Variants in TAF6L observed in about 807,000 individuals in gnomAD.
The protein encoded by TAF6L is TATA-box binding protein associated factor 6 like.
TAF6L carries 34 observed loss-of-function variants against 57.3 expected under a neutral mutation model. The ratio of observed to expected loss-of-function variants is 0.59; its 90% CI spans 0.45 to 0.79. TAF6L has a LOEUF of 0.79. Ranked by LOEUF, TAF6L falls within the 30% of genes least tolerant of loss-of-function variation. The pLI is 0.00. For synonymous variants in TAF6L, 417 were observed against 376.3 expected, an observed-to-expected ratio of 1.11 and a Z score of -1.25; for missense variants, 782 against 853.2, an observed-to-expected ratio of 0.92 and a Z score of 1.04.
intron 1 of TAF6L, chr11:62,774,679 A>G: frequency 2.2e-6 from 1 of 454,918 alleles, no homozygotes; most frequent in Non-Finnish European, 4.4e-6. Context: ...TGAACAAAAC[A>G]GGTTCCAGCA....
Position 62,781,954 on chromosome 11 carries a change from T to G in TAF6L, c.592T>G (p.Tyr198Asp), listed in dbSNP as rs1383200958. 3.1e-6 allele frequency: 5 copies of G among 1,613,998 alleles called. No homozygotes were observed. The highest frequency in any genetic ancestry group is 1.7e-6 in the Non-Finnish European group (2 of 1,180,030). ...KIGALLPYFV[Y>D]VVSGVKSVSH... ...TGGGGCACTCCTGCCTTACTTTGTT[T>G]ATGTGGTCAGTGGGGTAAGTGACCA... Residue 198 changes from tyrosine to aspartate, a missense_variant, in exon 7 of 11, where the codon TAT (tyrosine) becomes GAT (aspartate). Transcript: ENST00000294168.
At chr11:62,775,240 A>AT (rs1156921871) in intron 1 of TAF6L, among the ~76,000 whole-genome samples, 4 of 152,186 alleles carry the variant, frequency 2.6e-5, no homozygotes, top group African/African-American at 9.6e-5. Flanking sequence ...AAAGCTCTTT[A>AT]TAAAACCATT....
chr11:62,782,962 C>G, intron 9 of TAF6L, 137 bp downstream of exon 9: 2 of 1,293,524 alleles, frequency 1.5e-6, no homozygotes, highest in Non-Finnish European at 2.1e-6. Flanking sequence ...AGGCCAGGCT[C>G]AGTGATACTT....
rs374487931 is a variant in TAF6L at position 62,776,516 on chromosome 11, C to T, written c.234+46C>T. The T allele has an allele frequency of 4.3e-5, 68 of 1,581,918 alleles. No homozygotes were observed. In the African/African-American group the frequency reaches 5.9e-4, roughly 14 times the overall value. The stretch of plus-strand genomic sequence containing the variant: ...AGAGGGCTCAGGTGGCATGAGGCCA[C>T]TTCCATGTCCAGTTCAGGGCTGGCG... On this transcript the variant is annotated intron_variant, in intron 3 of 10. Transcript: ENST00000294168.
chr11:62,782,325 C>T lies in TAF6L; in HGVS notation c.819C>T (p.His273=), dbSNP rs150568366. ...ATGGGGCTGCCCTCCTGCTCAGCCA[C>T]ATCTTCTGGTAGCCACTGGGCCTAA... ...LRDGAALLLS[H]IFWTHGDLVS... is the part of the protein sequence containing the mutation. The change falls in exon 8 of 11, where the codon CAC becomes CAT. Residue 273 remains histidine (H), a synonymous_variant. Coordinates refer to ENST00000294168, the MANE Select transcript of TAF6L (RefSeq NM_006473.4). The T allele has an allele frequency of 8.2e-5, 132 of 1,613,450 alleles. 1 individual carries two copies. The African/African-American group carries it at 1.6e-3, about 20-fold the overall frequency.
At chr11:62,775,439 C>T (rs1233490203) in intron 1 of TAF6L, among the ~76,000 whole-genome samples, 2 of 152,202 alleles carry the variant, frequency 1.3e-5, no homozygotes, top group African/African-American at 4.8e-5. Context: ...CTAGAGAGGG[C>T]AGGAATTATT....
intron 9 of TAF6L, among the ~76,000 whole-genome samples, chr11:62,785,657 C>T (rs1189986987): frequency 6.6e-6 from 1 of 151,960 alleles, no homozygotes; most frequent in Non-Finnish European, 1.5e-5. Flanking sequence ...GCCTCAGCCT[C>T]CCAAGTAGTT....
At chr11:62,785,815 G>T (rs1057319595) in intron 9 of TAF6L, among the ~76,000 whole-genome samples, 1 of 152,220 alleles carries the variant, frequency 6.6e-6, no homozygotes, top group African/African-American at 2.4e-5. Context: ...GATTACAGGC[G>T]TGAGCCACAG....
At chr11:62,777,030 C>T (rs1162851412) in intron 3 of TAF6L, among the ~76,000 whole-genome samples, 1 of 151,668 alleles carries the variant, frequency 6.6e-6, no homozygotes, top group Non-Finnish European at 1.5e-5. Flanking sequence ...GCCTGTAACC[C>T]CAGTTACTCA....
In TAF6L at chr11:62,781,899, A is replaced by G; in HGVS notation, c.537A>G (p.Ala179=). 6.2e-7 allele frequency: 1 copy of G among 1,614,030 alleles called. No individual in the cohort carries two copies. The highest frequency in any genetic ancestry group is 8.5e-7 in the Non-Finnish European group (1 of 1,180,000). ...LGDDPQLMKV[A]LQDLQTNSKI... The stretch of plus-strand genomic sequence containing the variant: ...GTCTGGGCCCTTCCTTTTAGGTTGC[A>G]CTCCAGGACTTGCAGACGAACTCCA... Residue 179 remains alanine, a synonymous_variant, in exon 7 of 11, where the codon GCA becomes GCG. Transcript: ENST00000294168.
chr11:62,782,741 C>T lies in TAF6L; in HGVS notation c.876C>T (p.Ser292=), dbSNP rs144578234. 3.2e-5 allele frequency: 51 copies of T among 1,612,752 alleles called. No individual in the cohort carries two copies. The African/African-American group carries it at 6.4e-4, about 20-fold the overall frequency. ...VSGLYQHILL[S]LQKILADPVR... is the part of the protein sequence containing the mutation. ...GCCTCTATCAGCATATCCTGCTATC[C>T]CTGCAGAAGATCCTGGCAGATCCTG... The change falls in exon 9 of 11, where the codon TCC becomes TCT. Residue 292 remains serine, a synonymous_variant. Coordinates refer to ENST00000294168, the MANE Select transcript of TAF6L (RefSeq NM_006473.4).
intron 6 of TAF6L, among the ~76,000 whole-genome samples, chr11:62,781,550 T>C (rs1383675337): frequency 6.6e-6 from 1 of 151,246 alleles, no homozygotes; most frequent in Non-Finnish European, 1.5e-5. Context: ...GGCAGGCGCC[T>C]GTAGTCCCAG....
intron 9 of TAF6L, among the ~76,000 whole-genome samples, chr11:62,783,113 C>T (rs998301309): frequency 8.5e-5 from 13 of 152,202 alleles, no homozygotes; most frequent in Non-Finnish European, 1.5e-5. Flanking sequence ...GAGCATTTTA[C>T]ACATGAATAG....
At chr11:62,779,807 A>T (rs1399116089) in intron 6 of TAF6L, among the ~76,000 whole-genome samples, 1 of 149,260 alleles carries the variant, frequency 6.7e-6, no homozygotes, top group Non-Finnish European at 1.5e-5. Flanking sequence ...CTGGGATTAC[A>T]GGGGCATACC....
At position 62,778,098 on chromosome 11, in the gene TAF6L, C is replaced by T; in HGVS notation, c.355C>T (p.Pro119Ser). Residue 119 changes from proline to serine, a missense_variant, in exon 4 of 11, where the codon CCC becomes TCC. Physicochemically the swap from Pro to Ser is moderately conservative, Grantham distance 74. Transcript: ENST00000294168. ...LVELALATNI[P>S]KGCAETAVRV... The stretch of plus-strand genomic sequence containing the variant: ...GGAGCTGGCCCTGGCTACCAACATC[C>T]CCAAAGGCTGTGCTGAGACAGCTGT... 1 of 1,614,184 alleles carries T rather than the reference C, an allele frequency of 6.2e-7. No homozygotes were observed. The highest frequency in any genetic ancestry group is 1.3e-5 in the African/African-American group (1 of 75,048).
rs993977743 is a variant in TAF6L, at chr11:62,771,417, G to C, written c.-87G>C. The C allele has an allele frequency of 1.9e-5, 3 of 156,790 alleles. No individual in the cohort carries two copies. The highest frequency in any genetic ancestry group is 1.7e-4 in the South Asian group (1 of 6,010). 9.7% of individuals were successfully genotyped at this position (156,790 alleles called of 1,614,324 possible). On this transcript the variant is annotated 5_prime_UTR_variant, in exon 1 of 11. Coordinates refer to ENST00000294168, the MANE Select transcript of TAF6L (RefSeq NM_006473.4). ...CGGGAGAGGGAATGAGTGTGAGCTC[G>C]TGAGTGGGCGCCGCCGCCACCGCCC...
At chr11:62,785,209 C>G (rs1163437636) in intron 9 of TAF6L, among the ~76,000 whole-genome samples, 1 of 137,306 alleles carries the variant, frequency 7.3e-6, no homozygotes, top group African/African-American at 2.7e-5. Flanking sequence ...TTTTTTTTTT[C>G]GAGACAGAGT....
At chr11:62,784,288 CATATATA>C (rs1565189881) in intron 9 of TAF6L, among the ~76,000 whole-genome samples, 2 of 137,124 alleles carry the variant, frequency 1.5e-5, no homozygotes. Context: ...GGTGCCTGGC[CATATATA>C]TATATTCTTA....
intron 1 of TAF6L, chr11:62,772,036 G>A (rs1350137940): frequency 2.2e-6 from 1 of 454,420 alleles, no homozygotes. Flanking sequence ...GGAGCAAGGG[G>A]TTGAGTCCTT....
Sources: allele counts gnomAD v4.1 joint callset (sites outside exome capture counted in the v4.1 genomes callset), GRCh38; gene constraint gnomAD v4.1.1; transcripts MANE v1.5; gene names NCBI Gene and HGNC (gene_info 2026-07-23, HGNC 2026-07-21).